TRPM7: variants seen among roughly 807,000 people sequenced by gnomAD.
The protein encoded by TRPM7 is transient receptor potential cation channel subfamily M member 7.
TRPM7 carries 134 observed loss-of-function variants against 229.7 expected under a neutral mutation model. The observed-to-expected ratio is 0.58, with a 90% CI of 0.51 to 0.67. TRPM7 has a LOEUF of 0.67. Ranked by LOEUF, TRPM7 falls within the 30% of genes least tolerant of loss-of-function variation. The pLI is 0.00. For synonymous variants in TRPM7, 699 were observed against 715.2 expected, an observed-to-expected ratio of 0.98 and a Z score of 0.36; for missense variants, 1,901 against 2,210.0, an observed-to-expected ratio of 0.86 and a Z score of 2.80.
intron 38 of TRPM7, 54 bp from the exon 39 acceptor site, chr15:50,561,862 AG>A (rs1274589832): frequency 7.5e-6 from 11 of 1,457,152 alleles, no homozygotes; most frequent in Non-Finnish European, 1.0e-5. Context: ...AAAAGAAAAA[AG>A]TTAGTATTTC....
At chr15:50,621,157 CAAA>C (rs35848629) in intron 12 of TRPM7, among the ~76,000 whole-genome samples, 82 of 51,844 alleles carry the variant, frequency 1.6e-3, no homozygotes, top group African/African-American at 4.6e-3. Context: ...GACTCCGTCT[CAAA>C]AAAAAAAAAA....
At chr15:50,631,382 AG>A in intron 10 of TRPM7, 34 bp downstream of exon 10, 1 of 1,336,938 alleles carries the variant, frequency 7.5e-7, no homozygotes, top group East Asian at 2.3e-5. Context: ...ATAAAATAAA[AG>A]GTCTTACAAA....
At chr15:50,592,705 G>A in intron 25 of TRPM7, 79 bp from the exon 26 acceptor site, 1 of 1,003,920 alleles carries the variant, frequency 1.0e-6, no homozygotes, top group Admixed American at 2.7e-5. Context: ...AAATAATAAT[G>A]ATAAAAAGAG....
chr15:50,608,595 GAT>G (rs983787514), intron 19 of TRPM7, among the ~76,000 whole-genome samples: 11 of 152,248 alleles, frequency 7.2e-5, no homozygotes, highest in African/African-American at 2.6e-4. Flanking sequence ...TCAGATAACT[GAT>G]ATTTGCAATT....
intron 26 of TRPM7, among the ~76,000 whole-genome samples, chr15:50,590,580 T>C (rs1161024838): frequency 2.0e-5 from 3 of 152,198 alleles, no homozygotes; most frequent in Non-Finnish European, 4.4e-5. Flanking sequence ...CTATATAATA[T>C]ACATGTAGAG....
chr15:50,567,920 C>CA (rs892021576), intron 38 of TRPM7, among the ~76,000 whole-genome samples: 16 of 150,206 alleles, frequency 1.1e-4, no homozygotes, highest in African/African-American at 2.9e-4. Flanking sequence ...ACTAAAAATA[C>CA]AAAAAAAAAT....
At chr15:50,618,513 T>A (rs563152836) in intron 13 of TRPM7, among the ~76,000 whole-genome samples, 1 of 151,848 alleles carries the variant, frequency 6.6e-6, no homozygotes, top group Non-Finnish European at 1.5e-5. Context: ...GAGCTTGCAG[T>A]GAGCCAAGAT....
At chr15:50,654,453 A>T (rs2061503337) in intron 3 of TRPM7, among the ~76,000 whole-genome samples, 1 of 151,400 alleles carries the variant, frequency 6.6e-6, no homozygotes, top group Non-Finnish European at 1.5e-5. Flanking sequence ...TCTCAAAAAA[A>T]TAAAAAAATA....
Position 50,619,726 on chromosome 15 carries a change from G to A in TRPM7, c.1494+19C>T. Reference sequence around the variant, plus strand: ...TTTTTTAAAATAACATTTTTCAAAAGCAAAAAATAATCTCTTACCTGTTTG... The same window carrying A: ...TTTTTTAAAATAACATTTTTCAAAAACAAAAAATAATCTCTTACCTGTTTG... On this transcript the variant is annotated intron_variant, in intron 13 of 38. Coordinates refer to ENST00000646667, the MANE Select transcript of TRPM7 (RefSeq NM_017672.6). 2 of 1,543,610 alleles carry A rather than the reference G, an allele frequency of 1.3e-6. No homozygotes were observed. The highest frequency in any genetic ancestry group is 4.7e-5 in the East Asian group (2 of 42,576).
At chr15:50,613,299 C>A (rs1031374399) in intron 15 of TRPM7, among the ~76,000 whole-genome samples, 1 of 151,912 alleles carries the variant, frequency 6.6e-6, no homozygotes. Context: ...GTCAAGAGAT[C>A]GAGACCATAC....
intron 13 of TRPM7, among the ~76,000 whole-genome samples, chr15:50,615,153 G>A (rs1358572554): frequency 8.9e-6 from 1 of 112,338 alleles, no homozygotes; most frequent in Admixed American, 1.1e-4. Context: ...ACAAGAGCGA[G>A]ACTTTGTCTC....
intron 30 of TRPM7, 52 bp from the exon 31 acceptor site, chr15:50,578,716 G>T: frequency 2.9e-6 from 4 of 1,376,370 alleles, no homozygotes; most frequent in South Asian, 1.8e-5. Flanking sequence ...TTTAAGTTTT[G>T]GCTATCATTT....
At chr15:50,679,492 T>C (rs905247374) in intron 1 of TRPM7, among the ~76,000 whole-genome samples, 1 of 120,118 alleles carries the variant, frequency 8.3e-6, no homozygotes, top group Non-Finnish European at 1.7e-5. Context: ...ATATATATTA[T>C]ATATATGTGT....
At chr15:50,586,842 C>T (rs1272278764) in intron 27 of TRPM7, among the ~76,000 whole-genome samples, 5 of 152,034 alleles carry the variant, frequency 3.3e-5, no homozygotes, top group Admixed American at 1.3e-4. Flanking sequence ...CATGGTGAAA[C>T]CCCATCTCTA....
rs2060727725 is a variant in TRPM7 at position 50,631,428 on chromosome 15, G to A, written c.1193C>T (p.Ala398Val). 2 of 1,607,264 alleles carry A rather than the reference G, an allele frequency of 1.2e-6. No homozygotes were observed. The highest frequency in any genetic ancestry group is 1.7e-6 in the Non-Finnish European group (2 of 1,175,322). The change falls in exon 10 of 39, where the codon GCA (alanine) becomes GTA (valine). Residue 398 changes from alanine (A) to valine (V), a missense_variant. Around this residue, in one of 8 missense-constraint regions of TRPM7, gnomAD observed 794 missense variants for 881.9 expected, o/e 0.90. Coordinates refer to ENST00000646667, the MANE Select transcript of TRPM7 (RefSeq NM_017672.6). ...TCTTAGAGGCTTACCTTTTAGCAGT[G>A]CAGTAAGTATTGCTACATCTATATC... ...HQDIDVAILT[A>V]LLKGTNASAF...
intron 1 of TRPM7, among the ~76,000 whole-genome samples, chr15:50,671,584 G>A (rs990167796): frequency 3.3e-5 from 5 of 152,084 alleles, no homozygotes; most frequent in African/African-American, 1.2e-4. Context: ...GGAGATGAGA[G>A]GACTGCTTGA....
intron 6 of TRPM7, among the ~76,000 whole-genome samples, chr15:50,638,208 A>G (rs1338669143): frequency 1.3e-5 from 2 of 150,728 alleles, no homozygotes; most frequent in East Asian, 3.9e-4. Context: ...AAATACAAAA[A>G]ATTAGCCGGG....
At chr15:50,648,991 T>C (rs2061344492) in intron 3 of TRPM7, 106 bp from the exon 4 acceptor site, 10 of 744,612 alleles carry the variant, frequency 1.3e-5, no homozygotes, top group Non-Finnish European at 2.0e-5. Context: ...AAAATTTTTA[T>C]ATTTTATATA....
rs756845510 is a variant in TRPM7, at chr15:50,588,405, AATTG to A, written c.4389+1183_4389+1186del. ...TAGTTAATAGATATTAAATTAAGTT[AATTG>A]ATTTAGTACAATACTTTAATCAAAA... is the stretch of plus-strand genomic sequence containing the variant. On this transcript the variant is annotated intron_variant, in intron 27 of 38. Transcript: ENST00000646667. Among the ~76,000 whole-genome samples, 23 of 152,172 alleles carry A rather than the reference AATTG, an allele frequency of 1.5e-4. No homozygotes were observed. The East Asian group carries it at 3.1e-3, about 20-fold the overall frequency.
Sources: gnomAD v4.1 joint callset for allele counts (sites outside exome capture counted in the v4.1 genomes callset) on GRCh38, gnomAD v4.1.1 for gene constraint, gnomAD v4.1.1 regional missense constraint, MANE v1.5 for transcripts, NCBI Gene and HGNC (gene_info 2026-07-23, HGNC 2026-07-21) for gene names.